The following NCOA2 variants were observed in gnomAD, a reference collection of about 807,000 sequenced individuals.
NCOA2 encodes the protein class E basic helix-loop-helix protein 75.
Under a neutral mutation model 145.1 loss-of-function variants are expected in NCOA2, and 21 were observed. The observed-to-expected ratio is 0.14, with a 90% CI of 0.10 to 0.21. The LOEUF (loss-of-function observed/expected upper bound fraction) is 0.21. Among genes scored for constraint, NCOA2 ranks in the 10% least tolerant of loss-of-function variants. NCOA2 has a pLI of 1.00. For missense variants in NCOA2, 1,472 were observed against 1,837.6 expected, an observed-to-expected ratio of 0.80 and a Z score of 3.64; for synonymous variants, 619 against 637.5, an observed-to-expected ratio of 0.97 and a Z score of 0.44.
At chr8:70,384,320 G>GC in intron 1 of NCOA2, among the ~76,000 whole-genome samples, 1 of 150,964 alleles carries the variant, frequency 6.6e-6, no homozygotes, top group Non-Finnish European at 1.5e-5. Flanking sequence ...ACCATTCTTC[G>GC]CAAGAGCTTC....
intron 2 of NCOA2, among the ~76,000 whole-genome samples, chr8:70,243,155 TA>T (rs1319143648): frequency 6.6e-6 from 1 of 152,108 alleles, no homozygotes; most frequent in East Asian, 1.9e-4. Flanking sequence ...TTTTATGTCC[TA>T]GGGGAAAAAC....
the NCOA2 span, among the ~76,000 whole-genome samples, chr8:70,430,050 A>C: frequency 3.3e-5 from 5 of 151,946 alleles, no homozygotes; most frequent in African/African-American, 4.8e-5. Context: ...ATAGGGTCTC[A>C]CTTTGTTGCT....
At chr8:70,450,272 G>C in the NCOA2 span, among the ~76,000 whole-genome samples, 7 of 152,334 alleles carry the variant, frequency 4.6e-5, 1 homozygote, top group East Asian at 7.7e-4. Context: ...AGAAGGTGGG[G>C]CATGTGGGAG....
At chr8:70,232,897 G>C (rs530073789) in intron 2 of NCOA2, among the ~76,000 whole-genome samples, 1 of 17,730 alleles carries the variant, frequency 5.6e-5, no homozygotes, top group Non-Finnish European at 1.4e-4. Context: ...ACACACGTGC[G>C]TAGATATACA....
intron 13 of NCOA2, among the ~76,000 whole-genome samples, chr8:70,143,877 A>G (rs892741681): frequency 9.9e-5 from 15 of 152,262 alleles, no homozygotes; most frequent in African/African-American, 3.1e-4. Flanking sequence ...GCAGCTTTGC[A>G]TTAGAAAACA....
intron 1 of NCOA2, among the ~76,000 whole-genome samples, chr8:70,341,726 C>A (rs1460054886): frequency 6.6e-6 from 1 of 152,090 alleles, no homozygotes; most frequent in Non-Finnish European, 1.5e-5. Flanking sequence ...TGAGTGAATT[C>A]TAAATTTTAG....
intron 1 of NCOA2, among the ~76,000 whole-genome samples, chr8:70,302,785 T>C (rs547560011): frequency 4.6e-5 from 7 of 152,286 alleles, no homozygotes; most frequent in African/African-American, 1.7e-4. Context: ...GATTTAGATA[T>C]ACAATTTAAT....
At chr8:70,277,240 A>T (rs1166553129) in intron 2 of NCOA2, among the ~76,000 whole-genome samples, 2 of 152,226 alleles carry the variant, frequency 1.3e-5, no homozygotes, top group East Asian at 3.8e-4. Context: ...AATAAAGCAC[A>T]AATGACAGAA....
intron 2 of NCOA2, among the ~76,000 whole-genome samples, chr8:70,293,156 GAT>G (rs891758243): frequency 1.3e-5 from 2 of 152,048 alleles, no homozygotes; most frequent in African/African-American, 4.8e-5. Context: ...TAAAGCAAAA[GAT>G]ATATATTTCA....
intron 2 of NCOA2, among the ~76,000 whole-genome samples, chr8:70,220,483 T>C (rs1167333808): frequency 6.6e-6 from 1 of 152,204 alleles, no homozygotes; most frequent in African/African-American, 2.4e-5. Context: ...ACAGTGACCA[T>C]ACATCCTCCC....
intron 4 of NCOA2, among the ~76,000 whole-genome samples, chr8:70,210,361 T>C (rs1586109937): frequency 6.6e-6 from 1 of 152,282 alleles, no homozygotes; most frequent in East Asian, 1.9e-4. Flanking sequence ...GTAACTAACT[T>C]AGCTAATAAC....
At chr8:70,135,938 AC>A (rs1476015522) in intron 15 of NCOA2, among the ~76,000 whole-genome samples, 1 of 152,204 alleles carries the variant, frequency 6.6e-6, no homozygotes, top group Non-Finnish European at 1.5e-5. Flanking sequence ...TGATTGAGAA[AC>A]CATAACATTA....
intron 2 of NCOA2, among the ~76,000 whole-genome samples, chr8:70,231,651 C>A (rs751484966): frequency 3.9e-5 from 6 of 152,158 alleles, no homozygotes; most frequent in South Asian, 2.1e-4. Flanking sequence ...GGATATTAAT[C>A]CTGTCTGGTT....
chr8:70,382,533 GTTTTAT>G (rs1268395893), intron 1 of NCOA2, among the ~76,000 whole-genome samples: 1 of 152,196 alleles, frequency 6.6e-6, no homozygotes, highest in African/African-American at 2.4e-5. Flanking sequence ...TCCACCAACA[GTTTTAT>G]CTAGATACAA....
intron 22 of NCOA2, among the ~76,000 whole-genome samples, chr8:70,119,991 T>G (rs1807615680): frequency 6.6e-6 from 1 of 152,122 alleles, no homozygotes. Flanking sequence ...CACCTCAGCC[T>G]CCCAAGTAGT....
chr8:70,422,958 G>A, the NCOA2 span, among the ~76,000 whole-genome samples: 42 of 152,112 alleles, frequency 2.8e-4, no homozygotes, highest in Non-Finnish European at 5.6e-4. Flanking sequence ...CCTCCTGAGT[G>A]GCTGGGATTA....
At position 70,182,908 on chromosome 8, in the gene NCOA2, G is replaced by A. The variant is rs555546326; in HGVS notation, c.260-8049C>T. ...AAGAACCCATGGAAACATGGCTTCA[G>A]AAGTGCTTCAAGTTAGTGAACTGAA... On this transcript the variant is annotated intron_variant, in intron 4 of 22. Coordinates refer to ENST00000452400, the MANE Select transcript of NCOA2 (RefSeq NM_006540.4). 5.3e-5 allele frequency among the ~76,000 whole-genome samples: 8 copies of A among 152,292 alleles called. No individual in the cohort carries two copies. The South Asian group carries it at 1.2e-3, about 24-fold the overall frequency.
chr8:70,217,420 T>C lies in NCOA2; in HGVS notation c.-19-656A>G, dbSNP rs1226824419. On this transcript the variant is annotated intron_variant, in intron 2 of 22. Transcript: ENST00000452400. ...CTCCTCCATCGGTGCCCTCTCTCTG[T>C]GGCAGCTCGCCTCCCTGCACACAGC... Among the ~76,000 whole-genome samples, 2 of 152,120 alleles carry C rather than the reference T, an allele frequency of 1.3e-5. 1 individual carries two copies. Among genetic ancestry groups the C allele is most frequent in the Non-Finnish European group, 2.9e-5 (2 of 68,018 alleles).
At chr8:70,177,516 A>T (rs1230915403) in intron 4 of NCOA2, among the ~76,000 whole-genome samples, 1 of 152,172 alleles carries the variant, frequency 6.6e-6, no homozygotes, top group Non-Finnish European at 1.5e-5. Context: ...GTGGAAAGAT[A>T]AAGTAATTTT....
Sources: allele counts gnomAD v4.1 joint callset (sites outside exome capture counted in the v4.1 genomes callset), GRCh38; gene constraint gnomAD v4.1.1; transcripts MANE v1.5; gene names NCBI Gene and HGNC (gene_info 2026-07-23, HGNC 2026-07-21).